The following CYTH2 variants were observed in gnomAD, a reference collection of about 807,000 sequenced individuals.
The protein encoded by CYTH2 is cytohesin 2, also known as cytohesin-2.
CYTH2 carries 24 observed loss-of-function variants against 55.4 expected under a neutral mutation model. The ratio of observed to expected loss-of-function variants is 0.43; its 90% CI spans 0.31 to 0.61. The LOEUF (loss-of-function observed/expected upper bound fraction) is 0.61. Among genes scored for constraint, CYTH2 ranks in the 20% least tolerant of loss-of-function variants. The probability of loss-of-function intolerance (pLI) is 0.08; values close to 1 mark genes in which losing one functional copy is unlikely to be tolerated. For synonymous variants in CYTH2, 221 were observed against 209.6 expected, an observed-to-expected ratio of 1.05 and a Z score of -0.47; for missense variants, 378 against 533.5, an observed-to-expected ratio of 0.71 and a Z score of 2.87.
At chr19:48,469,557 A>C in intron 1 of CYTH2, 31 bp downstream of exon 1, 1 of 1,307,892 alleles carries the variant, frequency 7.6e-7, no homozygotes, top group Non-Finnish European at 9.8e-7. Flanking sequence ...GTCGGCTGGG[A>C]GTTGCTGGAG....
intron 3 of CYTH2, among the ~76,000 whole-genome samples, chr19:48,471,182 G>C (rs1202614683): frequency 6.6e-6 from 1 of 152,140 alleles, no homozygotes; most frequent in Non-Finnish European, 1.5e-5. Context: ...GTGTGTGTGA[G>C]ACAGAGTCTT....
intron 3 of CYTH2, 85 bp from the exon 4 acceptor site, chr19:48,472,240 G>C: frequency 8.4e-7 from 1 of 1,184,738 alleles, no homozygotes; most frequent in Non-Finnish European, 1.2e-6. Flanking sequence ...GAGGGTGGGG[G>C]TAGGTCTGGA....
At chr19:48,473,065 A>G (rs1336662466) in intron 4 of CYTH2, 4 of 534,658 alleles carry the variant, frequency 7.5e-6, no homozygotes, top group African/African-American at 1.9e-5. Context: ...TCCCAACTGT[A>G]CAAAGGTCTG....
Position 48,474,833 on chromosome 19 carries a change from C to T in CYTH2, c.697-5C>T. ...CGAATGGCTAATGCAGCCTTTACTC[C>T]TCAGAACCTGTACGACAGCATCCGA... On this transcript the variant is annotated splice_polypyrimidine_tract_variant and splice_region_variant and intron_variant, in intron 7 of 11. Transcript: ENST00000452733. The surrounding 1 kb of genome is among the most constrained non-coding windows in gnomAD (Gnocchi z 4.9). 6.2e-7 allele frequency: 1 copy of T among 1,614,108 alleles called. No homozygotes were observed. The highest frequency in any genetic ancestry group is 8.5e-7 in the Non-Finnish European group (1 of 1,179,972).
chr19:48,472,154 C>G (rs1036107644), intron 3 of CYTH2, among the ~76,000 whole-genome samples, 171 bp from the exon 4 acceptor site: 5 of 152,164 alleles, frequency 3.3e-5, no homozygotes, highest in Non-Finnish European at 7.4e-5. Flanking sequence ...CCATGAAGTG[C>G]AAAGGCCATG....
rs1205714149 is a variant in CYTH2, at chr19:48,473,934, G to A, written c.464G>A (p.Gly155Glu). The change falls in exon 6 of 12, where the codon GGA becomes GAA. Residue 155 changes from glycine (G) to glutamate (E), a missense_variant. Transcript: ENST00000452733. ...TTTCTATGGAGCTTTCGCCTACCCG[G>A]AGAGGCCCAGAAAATTGACCGGATG... ...RQFLWSFRLP[G>E]EAQKIDRMME... The A allele has an allele frequency of 6.2e-7, 1 of 1,613,316 alleles. No homozygotes were observed. The highest frequency in any genetic ancestry group is 1.3e-5 in the African/African-American group (1 of 74,878).
intron 4 of CYTH2, 125 bp from the exon 5 acceptor site, chr19:48,473,173 C>G: frequency 9.7e-7 from 1 of 1,029,658 alleles, no homozygotes. Context: ...CAGCAGGAAA[C>G]TTCACCCTCG....
rs1387631389 is a variant in CYTH2, at chr19:48,472,327, G to C, written c.237G>C (p.Gly79=). The change falls in exon 4 of 12, where the codon GGG becomes GGC. Residue 79 remains glycine (G), a splice_region_variant and synonymous_variant. Transcript: ENST00000452733. ...GAGACCTTGTCCCCACCCACCAGGG[G>C]ATCCAGTTCTTGGTGGAGAATGAAC... ...RKKFNMDPKK[G]IQFLVENELL... is the part of the protein sequence containing the mutation. 3 of 1,613,904 alleles carry C rather than the reference G, an allele frequency of 1.9e-6. No individual in the cohort carries two copies. Among genetic ancestry groups the C allele is most frequent in the Non-Finnish European group, 2.5e-6 (3 of 1,179,952 alleles).
At chr19:48,473,413 T>C (rs1971844048) in intron 5 of CYTH2, 35 bp downstream of exon 5, 2 of 1,603,944 alleles carry the variant, frequency 1.2e-6, no homozygotes, top group Admixed American at 1.7e-5. Context: ...ACGCCAGGAA[T>C]GTACCTGTCA....
At chr19:48,470,182 C>T in intron 1 of CYTH2, 171 bp from the exon 2 acceptor site, 2 of 1,048,442 alleles carry the variant, frequency 1.9e-6, no homozygotes, top group Non-Finnish European at 2.8e-6. Flanking sequence ...GAGTTTAGAG[C>T]CCCAGCTCTT....
In CYTH2 at chr19:48,479,251, C is replaced by T. The variant is rs765232405; in HGVS notation, c.*41C>T. ...TCCATTATTTATTACGGAGCTGCCC[C>T]GCCTGGGTGGCCGGACCCCTGGGCC... On this transcript the variant is annotated 3_prime_UTR_variant, in exon 12 of 12. Coordinates refer to ENST00000452733, the MANE Select transcript of CYTH2 (RefSeq NM_004228.7). 7 of 1,606,442 alleles carry T rather than the reference C, an allele frequency of 4.4e-6. No individual in the cohort carries two copies. Among genetic ancestry groups the T allele is most frequent in the Non-Finnish European group, 6.0e-6 (7 of 1,173,906 alleles).
intron 8 of CYTH2, 171 bp downstream of exon 8, chr19:48,475,120 T>A (rs1971885859): frequency 1.6e-6 from 1 of 615,576 alleles, no homozygotes; most frequent in Non-Finnish European, 2.8e-6. Flanking sequence ...AAATCAGGCC[T>A]GTGTGCTGGG....
intron 3 of CYTH2, among the ~76,000 whole-genome samples, chr19:48,471,465 A>C (rs1294062148): frequency 1.3e-5 from 2 of 152,158 alleles, no homozygotes; most frequent in African/African-American, 4.8e-5. Flanking sequence ...TCACATACTC[A>C]TTTAACACCC....
At chr19:48,470,148 T>A in intron 1 of CYTH2, 3 of 841,696 alleles carry the variant, frequency 3.6e-6, no homozygotes, top group Non-Finnish European at 3.9e-6. Flanking sequence ...CGGGCCCCAA[T>A]TCCCCTTGTC....
Position 48,474,023 on chromosome 19 carries a change from G to A in CYTH2, c.547+6G>A, listed in dbSNP as rs188841092. The A allele has an allele frequency of 6.2e-7, 1 of 1,601,330 alleles. No individual in the cohort carries two copies. Among genetic ancestry groups the A allele is most frequent in the African/African-American group, 1.3e-5 (1 of 74,374 alleles). ...TGGGGTTTTCCAGTCCACAGGTGCGGGCCCCAAATCCTGGGTCCTGGGAAA... is the reference window on the plus strand; with the variant it reads ...TGGGGTTTTCCAGTCCACAGGTGCGAGCCCCAAATCCTGGGTCCTGGGAAA... On this transcript the variant is annotated splice_donor_region_variant and intron_variant, in intron 6 of 11. Transcript: ENST00000452733. This position sits in a 1 kb window ranked among gnomAD's most constrained non-coding sequence, Gnocchi z 4.9.
Position 48,479,308 on chromosome 19 carries a change from A to G in CYTH2, c.*98A>G, listed in dbSNP as rs11550780. 2.5e-6 allele frequency: 3 copies of G among 1,187,404 alleles called. No homozygotes were observed. The highest frequency in any genetic ancestry group is 3.7e-6 in the Non-Finnish European group (3 of 807,492). The allele number at this position is 1,187,404 out of a possible 1,614,324, so 73.6% of individuals were successfully genotyped here. A position where few individuals can be genotyped will look rare whatever the true frequency, so the allele number is the denominator to read the frequency against. On this transcript the variant is annotated 3_prime_UTR_variant, in exon 12 of 12. Coordinates refer to ENST00000452733, the MANE Select transcript of CYTH2 (RefSeq NM_004228.7). Reference sequence around the variant, plus strand: ...CTGTGGATCCTGGTTCCCTGTTTGGAAAATTCACCACCTCTAGCTCCTCAC... The same window carrying G: ...CTGTGGATCCTGGTTCCCTGTTTGGGAAATTCACCACCTCTAGCTCCTCAC...
In CYTH2 at chr19:48,469,612, G is replaced by A. The variant is rs895182417; in HGVS notation, c.19+86G>A. 14 of 1,309,798 alleles carry A rather than the reference G, an allele frequency of 1.1e-5. No homozygotes were observed. The Admixed American group carries it at 3.9e-4, about 36-fold the overall frequency. The allele number at this position is 1,309,798 out of a possible 1,614,324, so 81.1% of individuals were successfully genotyped here. On this transcript the variant is annotated intron_variant, in intron 1 of 11. Transcript: ENST00000452733. Reference sequence around the variant, plus strand: ...CGCCGCGAACGTTTCCCCCTGGCGCGCGGCGCCCAGAAGCGTTCGGCTCAG... The same window carrying A: ...CGCCGCGAACGTTTCCCCCTGGCGCACGGCGCCCAGAAGCGTTCGGCTCAG...
intron 5 of CYTH2, 94 bp from the exon 6 acceptor site, chr19:48,473,811 G>C: frequency 9.0e-6 from 9 of 996,686 alleles, no homozygotes; most frequent in African/African-American, 1.6e-5. Flanking sequence ...GGAAGGTCGG[G>C]ATTCCTCGTG....
At position 48,479,374 on chromosome 19, in the gene CYTH2, T is replaced by G; in HGVS notation, c.*164T>G. ...ACACGCTGTTGGTAATCTTATTAATTATTTAACCACTTGGCCTGCTGACCC... is the reference window on the plus strand; with the variant it reads ...ACACGCTGTTGGTAATCTTATTAATGATTTAACCACTTGGCCTGCTGACCC... On this transcript the variant is annotated 3_prime_UTR_variant, in exon 12 of 12. Transcript: ENST00000452733. 1 of 676,774 alleles carries G rather than the reference T, an allele frequency of 1.5e-6. No homozygotes were observed. The highest frequency in any genetic ancestry group is 2.5e-6 in the Non-Finnish European group (1 of 402,292). The allele number at this position is 676,774 out of a possible 1,614,324, so 41.9% of individuals were successfully genotyped here.
Sources: gnomAD v4.1 joint callset for allele counts (sites outside exome capture counted in the v4.1 genomes callset) on GRCh38, gnomAD v4.1.1 for gene constraint, Gnocchi (gnomAD v3.1) non-coding constraint, MANE v1.5 for transcripts, NCBI Gene and HGNC (gene_info 2026-07-23, HGNC 2026-07-21) for gene names.